Variants in FER observed in about 807,000 individuals in gnomAD.
The protein encoded by FER is FER tyrosine kinase, also known as tyrosine-protein kinase Fer.
FER carries 63 observed loss-of-function variants against 111.0 expected under a neutral mutation model. The observed-to-expected ratio is 0.57, with a 90% CI of 0.46 to 0.70. FER has a LOEUF of 0.70. FER is among the 30% of genes least tolerant of loss of function. The pLI is 0.00. For missense variants in FER, 914 were observed against 954.0 expected (o/e 0.96, Z 0.55); for synonymous variants, 327 against 313.9 (o/e 1.04, Z -0.44).
At chr5:108,832,378 A>C (rs1191032337) in intron 3 of FER, among the ~76,000 whole-genome samples, 2 of 152,204 alleles carry the variant, frequency 1.3e-5, no homozygotes, top group African/African-American at 2.4e-5. Flanking sequence ...TAAGATGTGG[A>C]TGGGACAATG....
chr5:108,956,978 A>G (rs780032871), intron 12 of FER, among the ~76,000 whole-genome samples: 3 of 151,628 alleles, frequency 2.0e-5, no homozygotes, highest in Non-Finnish European at 3.0e-5. Context: ...GTGTTCCAAT[A>G]GAAGAGGTTA....
chr5:108,894,054 G>A (rs1748645468), intron 9 of FER, among the ~76,000 whole-genome samples: 1 of 149,164 alleles, frequency 6.7e-6, no homozygotes, highest in South Asian at 2.1e-4. Flanking sequence ...ATCACATGCT[G>A]CCCCTGAAAG....
intron 13 of FER, among the ~76,000 whole-genome samples, chr5:108,980,786 T>A (rs148727066): frequency 0.012 from 1,786 of 152,284 alleles, 17 homozygotes; most frequent in Non-Finnish European, 0.02. Context: ...TTGTTGAATA[T>A]CCTCTGTGGG....
At chr5:109,065,114 A>G (rs1774923245) in intron 16 of FER, among the ~76,000 whole-genome samples, 3 of 152,192 alleles carry the variant, frequency 2.0e-5, no homozygotes, top group Admixed American at 2.0e-4. Context: ...ATAGGTTTTC[A>G]CCAATAACCT....
chr5:109,117,821 G>T (rs1462668877), intron 17 of FER, among the ~76,000 whole-genome samples: 2 of 151,586 alleles, frequency 1.3e-5, no homozygotes, highest in Admixed American at 6.6e-5. Flanking sequence ...TCTGTTATTG[G>T]TGTATAAGAA....
chr5:109,159,068 G>A (rs902057009), intron 17 of FER, among the ~76,000 whole-genome samples: 1 of 152,074 alleles, frequency 6.6e-6, no homozygotes, highest in African/African-American at 2.4e-5. Context: ...AAACTGCTGA[G>A]CAAACTTTAG....
At chr5:108,949,533 A>G (rs2149636899) in intron 11 of FER, among the ~76,000 whole-genome samples, 1 of 152,228 alleles carries the variant, frequency 6.6e-6, no homozygotes, top group African/African-American at 2.4e-5. Flanking sequence ...TAAAGGACTT[A>G]TTGAGATTGA....
chr5:109,014,641 G>A (rs1766788181), intron 13 of FER, among the ~76,000 whole-genome samples: 1 of 152,018 alleles, frequency 6.6e-6, no homozygotes, highest in East Asian at 1.9e-4. Flanking sequence ...AGCTTGATGG[G>A]GATGGCATTG....
At chr5:109,018,306 T>C (rs1364189894) in intron 13 of FER, among the ~76,000 whole-genome samples, 7 of 151,810 alleles carry the variant, frequency 4.6e-5, no homozygotes, top group African/African-American at 1.7e-4. Flanking sequence ...TAGAAATAGA[T>C]TGTCTTCTGA....
chr5:109,194,703 C>T lies in FER; in HGVS notation c.*7128C>T, dbSNP rs1255980591. On this transcript the variant is annotated 3_prime_UTR_variant, in exon 20 of 20. Transcript: ENST00000281092. ...GATATCAGTGGGAAACGTCGGCGTT[C>T]TGAGCAACACAGGATAAATGTAGGA... 1 of 152,158 alleles carries T rather than the reference C, an allele frequency of 6.6e-6. No homozygotes were observed. The highest frequency in any genetic ancestry group is 2.4e-5 in the African/African-American group (1 of 41,430). The allele number at this position is 152,158 out of a possible 1,614,324, so 9.4% of individuals were successfully genotyped here. A position where few individuals can be genotyped will look rare whatever the true frequency, so the allele number is the denominator to read the frequency against.
At chr5:108,814,784 C>T (rs763424329) in intron 3 of FER, among the ~76,000 whole-genome samples, 23 of 152,110 alleles carry the variant, frequency 1.5e-4, no homozygotes, top group African/African-American at 3.9e-4. Context: ...CACTCTAGTT[C>T]GAATGCCTCT....
chr5:108,823,620 CTG>C (rs1246464836), intron 3 of FER, among the ~76,000 whole-genome samples: 18 of 152,200 alleles, frequency 1.2e-4, no homozygotes, highest in African/African-American at 3.1e-4. Context: ...ATTTTGAAAA[CTG>C]AGCTATTTTT....
chr5:108,894,273 G>A, intron 9 of FER: 1 of 482,018 alleles, frequency 2.1e-6, no homozygotes, highest in Non-Finnish European at 3.1e-6. Flanking sequence ...TTCAAGTATT[G>A]GGCATTAGGG....
chr5:108,934,689 T>G (rs11952572), intron 10 of FER, among the ~76,000 whole-genome samples: 18,990 of 152,090 alleles, frequency 0.12, 1,242 homozygotes, highest in Middle Eastern at 0.17. Flanking sequence ...ACTGTAGGTG[T>G]GTGAATAGCC....
intron 17 of FER, among the ~76,000 whole-genome samples, chr5:109,172,230 A>T (rs1446705879): frequency 6.6e-6 from 1 of 151,900 alleles, no homozygotes. Context: ...ACTTGGAACC[A>T]ACCCAAATGT....
chr5:108,751,134 G>A (rs1395848876), intron 1 of FER, among the ~76,000 whole-genome samples: 2 of 152,162 alleles, frequency 1.3e-5, no homozygotes, highest in Non-Finnish European at 2.9e-5. Flanking sequence ...GGAGGTTGTG[G>A]TGAGTGGAGA....
intron 17 of FER, among the ~76,000 whole-genome samples, chr5:109,133,456 G>C (rs760129266): frequency 3.3e-5 from 5 of 151,998 alleles, no homozygotes; most frequent in Admixed American, 1.3e-4. Context: ...TGATGAATTT[G>C]GCTGGTTTCC....
At chr5:108,993,024 G>T (rs377526225) in intron 13 of FER, among the ~76,000 whole-genome samples, 1 of 150,056 alleles carries the variant, frequency 6.7e-6, no homozygotes, top group Admixed American at 6.6e-5. Flanking sequence ...ATGGGATGGC[G>T]GCCGGGCAGA....
intron 11 of FER, among the ~76,000 whole-genome samples, chr5:108,948,347 T>G (rs1019619430): frequency 1.2e-4 from 19 of 152,234 alleles, no homozygotes; most frequent in African/African-American, 4.6e-4. Context: ...GTATTTGATG[T>G]CATCAGATGT....
Sources: gnomAD v4.1 joint callset for allele counts (sites outside exome capture counted in the v4.1 genomes callset) on GRCh38, gnomAD v4.1.1 for gene constraint, MANE v1.5 for transcripts, NCBI Gene and HGNC (gene_info 2026-07-23, HGNC 2026-07-21) for gene names.